The following ZNF804A variants were observed in gnomAD, a reference collection of about 807,000 sequenced individuals.
ZNF804A encodes zinc finger protein 804A.
ZNF804A carries 2 observed loss-of-function variants against 16.5 expected under a neutral mutation model. The observed-to-expected ratio is 0.12, with a 90% CI of 0.05 to 0.38. The LOEUF is 0.38. Among genes scored for constraint, ZNF804A ranks in the 10% least tolerant of loss-of-function variants. The probability of loss-of-function intolerance (pLI) is 0.99; values close to 1 mark genes in which losing one functional copy is unlikely to be tolerated. For synonymous variants in ZNF804A, 534 were observed against 489.6 expected (o/e 1.09, Z -1.20); for missense variants, 1,473 against 1,390.7 (o/e 1.06, Z -0.94).
At chr2:184,716,288 A>C (rs1693212191) in intron 1 of ZNF804A, among the ~76,000 whole-genome samples, 1 of 152,118 alleles carries the variant, frequency 6.6e-6, no homozygotes, top group East Asian at 1.9e-4. Flanking sequence ...GTACTTTCAC[A>C]TTTTTGTAAT....
intron 1 of ZNF804A, among the ~76,000 whole-genome samples, chr2:184,835,029 G>T (rs952069578): frequency 2.6e-5 from 4 of 152,170 alleles, no homozygotes; most frequent in Non-Finnish European, 5.9e-5. Context: ...GGCAGGCACA[G>T]AACTAGGTGT....
At chr2:184,755,546 T>C (rs1693947067) in intron 1 of ZNF804A, among the ~76,000 whole-genome samples, 2 of 152,034 alleles carry the variant, frequency 1.3e-5, no homozygotes, top group South Asian at 4.1e-4. Context: ...TTTTTCCTCC[T>C]AGAATTTAAT....
chr2:184,631,047 A>G (rs1691601046), intron 1 of ZNF804A, among the ~76,000 whole-genome samples: 1 of 152,100 alleles, frequency 6.6e-6, no homozygotes, highest in Non-Finnish European at 1.5e-5. Flanking sequence ...AGCATATTGA[A>G]ATTTGGTGTA....
intron 1 of ZNF804A, among the ~76,000 whole-genome samples, chr2:184,655,877 T>C (rs748710232): frequency 4.6e-5 from 7 of 152,122 alleles, no homozygotes; most frequent in Non-Finnish European, 1.0e-4. Flanking sequence ...CTATGGAGTA[T>C]TTGAAAATGA....
chr2:184,645,826 GGGA>G (rs1691861838), intron 1 of ZNF804A, among the ~76,000 whole-genome samples: 1 of 152,182 alleles, frequency 6.6e-6, no homozygotes, highest in Non-Finnish European at 1.5e-5. Context: ...CCAGGTCCCA[GGGA>G]GGAGAACACT....
At chr2:184,753,680 C>G (rs555685132) in intron 1 of ZNF804A, among the ~76,000 whole-genome samples, 1 of 151,798 alleles carries the variant, frequency 6.6e-6, no homozygotes, top group African/African-American at 2.4e-5. Flanking sequence ...AGCAACTTCT[C>G]TTTGAACACT....
At chr2:184,602,797 A>G (rs756731035) in intron 1 of ZNF804A, among the ~76,000 whole-genome samples, 2 of 152,078 alleles carry the variant, frequency 1.3e-5, no homozygotes. Context: ...TTGAGGTCAC[A>G]CAATGAGTCA....
intron 1 of ZNF804A, among the ~76,000 whole-genome samples, chr2:184,622,101 A>G (rs559344099): frequency 2.6e-5 from 4 of 151,912 alleles, no homozygotes; most frequent in South Asian, 2.1e-4. Flanking sequence ...GTGTCATTCA[A>G]ATTCAGGCAA....
chr2:184,815,612 T>C, intron 1 of ZNF804A, among the ~76,000 whole-genome samples: 1 of 152,098 alleles, frequency 6.6e-6, no homozygotes, highest in South Asian at 2.1e-4. Flanking sequence ...CTAGTCTTAT[T>C]ATTTAATATC....
intron 1 of ZNF804A, among the ~76,000 whole-genome samples, chr2:184,719,684 A>G (rs551399621): frequency 6.6e-6 from 1 of 152,270 alleles, no homozygotes; most frequent in South Asian, 2.1e-4. Flanking sequence ...ATCAAGGGTC[A>G]CCTTTGCTCC....
At chr2:184,927,749 C>T (rs367637308) in intron 2 of ZNF804A, among the ~76,000 whole-genome samples, 4 of 152,182 alleles carry the variant, frequency 2.6e-5, no homozygotes, top group African/African-American at 9.7e-5. Flanking sequence ...GAGCCTCACC[C>T]CATGGCCACC....
At chr2:184,654,962 G>C (rs1479746681) in intron 1 of ZNF804A, among the ~76,000 whole-genome samples, 1 of 152,080 alleles carries the variant, frequency 6.6e-6, no homozygotes, top group African/African-American at 2.4e-5. Context: ...CTTAGAAATG[G>C]CACAGATGCC....
At chr2:184,932,804 C>T (rs144917013) in intron 2 of ZNF804A, among the ~76,000 whole-genome samples, 106 of 152,250 alleles carry the variant, frequency 7.0e-4, no homozygotes, top group African/African-American at 2.2e-3. Context: ...ACCACACACA[C>T]GGCTATTTAT....
intron 1 of ZNF804A, among the ~76,000 whole-genome samples, chr2:184,658,036 A>C (rs1692109878): frequency 6.6e-6 from 1 of 152,234 alleles, no homozygotes. Context: ...TAATTTTTTA[A>C]AATCAGCATT....
At chr2:184,848,049 G>A (rs954738824) in intron 1 of ZNF804A, among the ~76,000 whole-genome samples, 12 of 151,780 alleles carry the variant, frequency 7.9e-5, no homozygotes, top group African/African-American at 2.2e-4. Context: ...TAATTATAAC[G>A]TCATTAGCCA....
chr2:184,933,533 A>G (rs1685737965), intron 2 of ZNF804A, 70 bp from the exon 3 acceptor site: 4 of 1,449,586 alleles, frequency 2.8e-6, no homozygotes, highest in South Asian at 2.8e-5. Flanking sequence ...AATTTCAACA[A>G]TAACAATGAA....
At chr2:184,732,937 C>T (rs1332622136) in intron 1 of ZNF804A, among the ~76,000 whole-genome samples, 1 of 152,046 alleles carries the variant, frequency 6.6e-6, no homozygotes, top group East Asian at 1.9e-4. Context: ...GTTGTTGATT[C>T]TTTTGTATTT....
intron 1 of ZNF804A, among the ~76,000 whole-genome samples, chr2:184,680,649 CCT>C (rs1201114246): frequency 1.3e-5 from 2 of 152,270 alleles, no homozygotes; most frequent in Admixed American, 6.5e-5. Context: ...CAATAAAACA[CCT>C]CTTTGTCTTG....
At chr2:184,617,427 A>G (rs1038695688) in intron 1 of ZNF804A, among the ~76,000 whole-genome samples, 1 of 152,010 alleles carries the variant, frequency 6.6e-6, no homozygotes, top group African/African-American at 2.4e-5. Flanking sequence ...TTTAAACATC[A>G]TGTAATTTGA....
Sources: gnomAD v4.1 joint callset for allele counts (sites outside exome capture counted in the v4.1 genomes callset) on GRCh38, gnomAD v4.1.1 for gene constraint, MANE v1.5 for transcripts, NCBI Gene and HGNC (gene_info 2026-07-23, HGNC 2026-07-21) for gene names.